The following NUDT21 variants were observed in gnomAD, a reference collection of about 807,000 sequenced individuals.
The protein encoded by NUDT21 is cleavage and polyadenylation specificity factor subunit 5.
A neutral mutation model predicts 29.8 loss-of-function variants in NUDT21; 5 were observed. The observed-to-expected ratio is 0.17, with a 90% confidence interval of 0.09 to 0.35. The LOEUF (loss-of-function observed/expected upper bound fraction) is 0.35, where lower values mean the gene tolerates loss of function less well. Among genes scored for constraint, NUDT21 ranks in the 10% least tolerant of loss-of-function variants. The pLI is 1.00. For missense variants in NUDT21, 76 were observed against 276.0 expected (o/e 0.28, Z 5.13); for synonymous variants, 113 against 98.5 (o/e 1.15, Z -0.87).
chr16:56,431,789 C>T lies in NUDT21; in HGVS notation c.*923G>A, dbSNP rs1341276982. On this transcript the variant is annotated 3_prime_UTR_variant, in exon 7 of 7. Coordinates refer to ENST00000300291, the MANE Select transcript of NUDT21 (RefSeq NM_007006.3). ...TGAGAAAACCTGTCCTCTGCCTTGCCCCCAGTTTTCGGTTGATTCACATTA... is the reference window on the plus strand; with the variant it reads ...TGAGAAAACCTGTCCTCTGCCTTGCTCCCAGTTTTCGGTTGATTCACATTA... The T allele has an allele frequency of 9.9e-5, 15 of 152,056 alleles. No homozygotes were observed. The highest frequency in any genetic ancestry group is 7.2e-4 in the Admixed American group (11 of 15,270). The allele number at this position is 152,056 out of a possible 1,614,324, so 9.4% of individuals were successfully genotyped here. A position where few individuals can be genotyped will look rare whatever the true frequency, so the allele number is the denominator to read the frequency against.
intron 3 of NUDT21, among the ~76,000 whole-genome samples, chr16:56,444,982 T>C (rs923875217): frequency 6.6e-6 from 1 of 152,120 alleles, no homozygotes; most frequent in African/African-American, 2.4e-5. Flanking sequence ...TTAGGAGTTC[T>C]AGACCAGCCT....
At chr16:56,435,122 T>G (rs1394125336) in intron 4 of NUDT21, 6 of 200,452 alleles carry the variant, frequency 3.0e-5, no homozygotes, top group Admixed American at 6.0e-5. Context: ...AAAAGCTTTT[T>G]TTTGTTTGTT....
At position 56,430,862 on chromosome 16, in the gene NUDT21, G is replaced by C. The variant is rs1472706359; in HGVS notation, c.*1850C>G. The stretch of plus-strand genomic sequence containing the variant: ...CTTAGTGTATGGATGACTGGCTCAC[G>C]TACTTACTGTATATTGGGAAGAAGT... On this transcript the variant is annotated 3_prime_UTR_variant, in exon 7 of 7. Transcript: ENST00000300291. 3 of 152,254 alleles carry C rather than the reference G, an allele frequency of 2.0e-5. No individual in the cohort carries two copies. Among genetic ancestry groups the C allele is most frequent in the Non-Finnish European group, 4.4e-5 (3 of 68,040 alleles). The allele number at this position is 152,254 out of a possible 1,614,324, so 9.4% of individuals were successfully genotyped here.
intron 3 of NUDT21, chr16:56,446,385 AC>A (rs1352976270): frequency 1.2e-5 from 5 of 429,964 alleles, no homozygotes; most frequent in Non-Finnish European, 2.1e-5. Flanking sequence ...AGTGTCTAGC[AC>A]AGTAATACTT....
chr16:56,443,902 G>T (rs1962186596), intron 3 of NUDT21, among the ~76,000 whole-genome samples: 1 of 152,214 alleles, frequency 6.6e-6, no homozygotes, highest in Non-Finnish European at 1.5e-5. Context: ...ACATTAAACA[G>T]ACGAAGACAG....
Position 56,430,421 on chromosome 16 carries a change from A to G in NUDT21, c.*2291T>C, listed in dbSNP as rs539703543. Reference sequence around the variant, plus strand: ...ATACTCAGGGAAAATAAGATGACATATATTGTAGTTTTAGAACGCAAAAGA... The same window carrying G: ...ATACTCAGGGAAAATAAGATGACATGTATTGTAGTTTTAGAACGCAAAAGA... On this transcript the variant is annotated 3_prime_UTR_variant, in exon 7 of 7. Transcript: ENST00000300291. 3.9e-5 allele frequency: 6 copies of G among 152,366 alleles called. No individual in the cohort carries two copies. In the South Asian group the frequency reaches 1.2e-3, roughly 32 times the overall value. The allele number at this position is 152,366 out of a possible 1,614,324, so 9.4% of individuals were successfully genotyped here.
At chr16:56,434,260 C>T (rs1490573771) in intron 6 of NUDT21, 71 bp downstream of exon 6, 14 of 960,402 alleles carry the variant, frequency 1.5e-5, no homozygotes, top group Non-Finnish European at 2.0e-5. Context: ...CTATACCTTC[C>T]CAAGTGGCTC....
chr16:56,446,715 T>C, intron 2 of NUDT21, 26 bp from the exon 3 acceptor site: 2 of 1,435,716 alleles, frequency 1.4e-6, no homozygotes, highest in Middle Eastern at 3.5e-4. Context: ...GAATTTCAGC[T>C]TTCAACTTAA....
chr16:56,446,524 T>C (rs766425669), intron 3 of NUDT21, 102 bp downstream of exon 3: 13 of 628,992 alleles, frequency 2.1e-5, no homozygotes, highest in South Asian at 6.6e-5. Context: ...GTTGTATTTA[T>C]TGAAAACTAA....
intron 1 of NUDT21, 146 bp downstream of exon 1, chr16:56,450,937 TGAGA>T (rs1347788003): frequency 1.6e-6 from 1 of 633,340 alleles, no homozygotes; most frequent in African/African-American, 1.8e-5. Flanking sequence ...GAAAGGGGCC[TGAGA>T]GAGGGAGGAA....
rs7193982 is a variant in NUDT21 at position 56,430,546 on chromosome 16, G to C, written c.*2166C>G. ...AAATGATAAGAGCATTTAGTATGTA[G>C]ATCTGGAATGCACAGTTTCTGGAAG... is the stretch of plus-strand genomic sequence containing the variant. On this transcript the variant is annotated 3_prime_UTR_variant, in exon 7 of 7. Coordinates refer to ENST00000300291, the MANE Select transcript of NUDT21 (RefSeq NM_007006.3). 540 of 152,334 alleles carry C rather than the reference G, an allele frequency of 3.5e-3. 5 individuals carry two copies. Among genetic ancestry groups the C allele is most frequent in the African/African-American group, 0.013 (526 of 41,564 alleles). 9.4% of individuals were successfully genotyped at this position (152,334 alleles called of 1,614,324 possible).
intron 1 of NUDT21, 113 bp from the exon 2 acceptor site, chr16:56,448,102 C>A: frequency 1.2e-6 from 1 of 846,964 alleles, no homozygotes; most frequent in Non-Finnish European, 1.8e-6. Flanking sequence ...TGTACTCAGA[C>A]ACAGGATTTG....
intron 3 of NUDT21, among the ~76,000 whole-genome samples, chr16:56,443,539 C>CA (rs1962183359): frequency 6.6e-6 from 1 of 152,190 alleles, no homozygotes; most frequent in Non-Finnish European, 1.5e-5. Flanking sequence ...TCCCTGCCCC[C>CA]AAACTCATGT....
At chr16:56,449,061 G>A (rs1481772733) in intron 1 of NUDT21, 2 of 152,214 alleles carry the variant, frequency 1.3e-5, no homozygotes, top group Non-Finnish European at 2.9e-5. Context: ...TAGATCCAAT[G>A]CTAAATCTAA....
intron 4 of NUDT21, 51 bp from the exon 5 acceptor site, chr16:56,434,880 C>T (rs372863035): frequency 6.2e-6 from 7 of 1,121,622 alleles, no homozygotes; most frequent in African/African-American, 4.7e-5. Context: ...GGCTTCATTT[C>T]TTTACATGTT....
At chr16:56,446,587 T>G (rs1345914172) in intron 3 of NUDT21, 39 bp downstream of exon 3, 1 of 1,185,230 alleles carries the variant, frequency 8.4e-7, no homozygotes, top group Non-Finnish European at 1.2e-6. Context: ...AAATAACTAG[T>G]AAGTTGATGG....
chr16:56,447,856 G>A lies in NUDT21; in HGVS notation c.250C>T (p.Leu84=), dbSNP rs571652480. The stretch of plus-strand genomic sequence containing the variant: ...GGTAGCCGGTGCTCATGTACAATCA[G>A]AACCCCTTCTACAGTCCTCCTCATT... The part of the protein sequence containing the change: ...IGMRRTVEGV[L]IVHEHRLPHV... The change falls in exon 2 of 7, where the codon CTG becomes TTG. Residue 84 remains leucine, a synonymous_variant. Transcript: ENST00000300291. 3.1e-6 allele frequency: 5 copies of A among 1,614,100 alleles called. No homozygotes were observed. The highest frequency in any genetic ancestry group is 4.2e-6 in the Non-Finnish European group (5 of 1,179,978).
At chr16:56,434,481 A>T (rs1411314192) in intron 5 of NUDT21, 36 bp from the exon 6 acceptor site, 1 of 1,146,636 alleles carries the variant, frequency 8.7e-7, no homozygotes, top group East Asian at 2.4e-5. Flanking sequence ...ATAAGTTATT[A>T]TATAATCACT....
chr16:56,450,528 ATGGGGCAGGGCAGACAGCCC>A, intron 1 of NUDT21, among the ~76,000 whole-genome samples: 1 of 152,204 alleles, frequency 6.6e-6, no homozygotes, highest in African/African-American at 2.4e-5. Flanking sequence ...GGCATAAGGC[ATGGGGCAGGGCAGACAGCCC>A]TGAGCACATG....
Sources: allele counts gnomAD v4.1 joint callset (sites outside exome capture counted in the v4.1 genomes callset), GRCh38; gene constraint gnomAD v4.1.1; transcripts MANE v1.5; gene names NCBI Gene and HGNC (gene_info 2026-07-23, HGNC 2026-07-21).